Variants in SLC1A3 observed in about 807,000 individuals in gnomAD.
The protein encoded by SLC1A3 is solute carrier family 1 member 3, also known as excitatory amino acid transporter 1.
SLC1A3 carries 21 observed loss-of-function variants against 48.1 expected under a neutral mutation model. That is an observed-to-expected ratio of 0.44 (90% CI 0.31 to 0.63). SLC1A3 has a LOEUF of 0.63. Among genes scored for constraint, SLC1A3 ranks in the 20% least tolerant of loss-of-function variants. SLC1A3 has a pLI of 0.08. For synonymous variants in SLC1A3, 239 were observed against 251.4 expected, an observed-to-expected ratio of 0.95 and a Z score of 0.47; for missense variants, 546 against 689.0, an observed-to-expected ratio of 0.79 and a Z score of 2.32.
intron 3 of SLC1A3, among the ~76,000 whole-genome samples, chr5:36,652,305 G>A (rs1277738702): frequency 7.1e-6 from 1 of 141,778 alleles, no homozygotes; most frequent in Non-Finnish European, 1.6e-5. Flanking sequence ...AGCTCCAAGT[G>A]GCGTGAGCGC....
At chr5:36,634,036 G>C (rs1048994623) in intron 3 of SLC1A3, among the ~76,000 whole-genome samples, 1 of 152,168 alleles carries the variant, frequency 6.6e-6, no homozygotes, top group African/African-American at 2.4e-5. Context: ...AGCACTTTGG[G>C]AGACTAAAGC....
chr5:36,660,788 T>C (rs1194919257), intron 3 of SLC1A3, among the ~76,000 whole-genome samples: 2 of 152,238 alleles, frequency 1.3e-5, no homozygotes, highest in East Asian at 3.8e-4. Context: ...TTTTAAATGC[T>C]GAGAAAACTA....
intron 3 of SLC1A3, chr5:36,669,097 G>T (rs1359968560): frequency 6.6e-6 from 1 of 152,152 alleles, no homozygotes; most frequent in African/African-American, 2.4e-5. Context: ...AGAGATATCC[G>T]GCGTATTGTG....
chr5:36,603,058 C>T (rs752286414), upstream of SLC1A3, among the ~76,000 whole-genome samples: 2 of 152,206 alleles, frequency 1.3e-5, no homozygotes, highest in African/African-American at 2.4e-5. Flanking sequence ...TTAGTCACTT[C>T]AAGGCTTTGC....
At chr5:36,602,646 A>G (rs546800144), upstream of SLC1A3, among the ~76,000 whole-genome samples, 1 of 152,336 alleles carries the variant, frequency 6.6e-6, no homozygotes, top group East Asian at 1.9e-4. Flanking sequence ...TTTTTAAGGC[A>G]TCATTATGTC....
intron 1 of SLC1A3, among the ~76,000 whole-genome samples, chr5:36,600,615 G>A (rs1259262838): frequency 6.6e-6 from 1 of 152,192 alleles, no homozygotes; most frequent in Non-Finnish European, 1.5e-5. Context: ...TGAGGAAGGA[G>A]GCTTGCATTT....
chr5:36,671,570 G>A (rs905185843), intron 4 of SLC1A3, among the ~76,000 whole-genome samples: 1 of 152,102 alleles, frequency 6.6e-6, no homozygotes, highest in African/African-American at 2.4e-5. Flanking sequence ...GTTCTTTAAG[G>A]CTAATTTTTA....
chr5:36,603,775 TAGG>T (rs1416091941), upstream of SLC1A3, among the ~76,000 whole-genome samples: 3 of 152,222 alleles, frequency 2.0e-5, no homozygotes, highest in Non-Finnish European at 4.4e-5. Context: ...TTCCAAATTC[TAGG>T]AGGAGAATTG....
At chr5:36,620,369 T>C (rs1201724888) in intron 2 of SLC1A3, among the ~76,000 whole-genome samples, 1 of 152,240 alleles carries the variant, frequency 6.6e-6, no homozygotes, top group Non-Finnish European at 1.5e-5. Context: ...CATTTGTGAA[T>C]TTAGAAAGCT....
At chr5:36,654,016 G>A (rs1013379688) in intron 3 of SLC1A3, among the ~76,000 whole-genome samples, 19 of 152,100 alleles carry the variant, frequency 1.2e-4, no homozygotes, top group African/African-American at 4.1e-4. Context: ...GCTAATTTTT[G>A]TATTTTTCGT....
At chr5:36,638,276 T>A (rs574700650) in intron 3 of SLC1A3, among the ~76,000 whole-genome samples, 25 of 152,308 alleles carry the variant, frequency 1.6e-4, no homozygotes, top group Non-Finnish European at 3.1e-4. Flanking sequence ...AGAGTCTGCA[T>A]TCTTGGCAGG....
chr5:36,672,996 C>T (rs1742058160), intron 4 of SLC1A3, among the ~76,000 whole-genome samples: 2 of 152,156 alleles, frequency 1.3e-5, no homozygotes, highest in Middle Eastern at 3.2e-3. Flanking sequence ...GTTGATCCAT[C>T]AGAAGACTGT....
chr5:36,653,436 T>G (rs996342445), intron 3 of SLC1A3, among the ~76,000 whole-genome samples: 3 of 152,208 alleles, frequency 2.0e-5, no homozygotes, highest in Non-Finnish European at 4.4e-5. Flanking sequence ...TATTTATTGG[T>G]TCTGACAACA....
At chr5:36,642,124 G>T (rs895174761) in intron 3 of SLC1A3, among the ~76,000 whole-genome samples, 4 of 152,156 alleles carry the variant, frequency 2.6e-5, no homozygotes, top group African/African-American at 4.8e-5. Flanking sequence ...TCCGAACTGG[G>T]TACATTGGCA....
At chr5:36,612,673 T>TA (rs1254579815) in intron 2 of SLC1A3, 1 of 379,884 alleles carries the variant, frequency 2.6e-6, no homozygotes, top group Non-Finnish European at 5.3e-6. Context: ...CTATTGTGTT[T>TA]AAGTGTATTA....
chr5:36,657,465 TG>T (rs1215228805), intron 3 of SLC1A3, among the ~76,000 whole-genome samples: 3 of 152,182 alleles, frequency 2.0e-5, no homozygotes, highest in African/African-American at 7.2e-5. Flanking sequence ...CATGTCAACC[TG>T]CAAAGATACC....
intron 2 of SLC1A3, among the ~76,000 whole-genome samples, chr5:36,624,058 G>A (rs887385530): frequency 6.6e-6 from 1 of 152,010 alleles, no homozygotes; most frequent in Non-Finnish European, 1.5e-5. Context: ...CGTATTCACC[G>A]CATTTCCTCT....
In SLC1A3 at chr5:36,598,718, C is replaced by T. The variant is rs1241969798; in HGVS notation, c.-96+2040C>T. Among the ~76,000 whole-genome samples the T allele has an allele frequency of 3.9e-5, 6 of 152,152 alleles. No individual in the cohort carries two copies. In the South Asian group the frequency reaches 1.2e-3, roughly 32 times the overall value. Reference sequence around the variant, plus strand: ...CTCTCTGCAGCCTTGACCTCCCGGGCTCAAGTGATCTTCCCATCTCAGGCT... The same window carrying T: ...CTCTCTGCAGCCTTGACCTCCCGGGTTCAAGTGATCTTCCCATCTCAGGCT... On this transcript the variant is annotated intron_variant, in intron 1 of 9. Transcript: ENST00000680318.
At chr5:36,637,629 T>C (rs1420009925) in intron 3 of SLC1A3, among the ~76,000 whole-genome samples, 1 of 152,224 alleles carries the variant, frequency 6.6e-6, no homozygotes, top group Admixed American at 6.5e-5. Flanking sequence ...CAGAATGCTG[T>C]GGAACTGCAG....
Sources: gnomAD v4.1 joint callset for allele counts (sites outside exome capture counted in the v4.1 genomes callset) on GRCh38, gnomAD v4.1.1 for gene constraint, MANE v1.5 for transcripts, NCBI Gene and HGNC (gene_info 2026-07-23, HGNC 2026-07-21) for gene names.